SPTAN1: variants seen among roughly 807,000 people sequenced by gnomAD.
SPTAN1 encodes the protein spectrin alpha, non-erythrocytic 1.
A neutral mutation model predicts 331.3 loss-of-function variants in SPTAN1; 61 were observed. The observed-to-expected ratio is 0.18, with a 90% CI of 0.15 to 0.23. The LOEUF (loss-of-function observed/expected upper bound fraction) is 0.23, where lower values mean the gene tolerates loss of function less well. SPTAN1 is among the 10% of genes least tolerant of loss of function. The pLI, the probability that SPTAN1 is intolerant of heterozygous loss-of-function variation, is 1.00. For synonymous variants in SPTAN1, 1,153 were observed against 1,173.9 expected, an observed-to-expected ratio of 0.98 and a Z score of 0.36; for missense variants, 2,043 against 3,147.9, an observed-to-expected ratio of 0.65 and a Z score of 8.40.
chr9:128,568,963 C>T, intron 3 of SPTAN1, 66 bp downstream of exon 3: 2 of 1,606,240 alleles, frequency 1.2e-6, no homozygotes, highest in Non-Finnish European at 1.7e-6. Context: ...TTCATGCATA[C>T]ATGTCAGTTT....
intron 16 of SPTAN1, 39 bp downstream of exon 16, chr9:128,584,008 C>G: frequency 6.2e-7 from 1 of 1,612,416 alleles, no homozygotes; most frequent in Non-Finnish European, 8.5e-7. Flanking sequence ...CAAGTGAATG[C>G]AGAAACTATA....
Position 128,627,946 on chromosome 9 carries a change from A to C in SPTAN1, c.6707+4A>C. 1 of 1,613,960 alleles carries C rather than the reference A, an allele frequency of 6.2e-7. No individual in the cohort carries two copies. The highest frequency in any genetic ancestry group is 8.5e-7 in the Non-Finnish European group (1 of 1,179,972). ...ACAGGACATACCTCCTCGATGGGTT[A>C]ATATTGTTTTCTTCCTTCTCTGGGC... On this transcript the variant is annotated splice_donor_region_variant and intron_variant, in intron 51 of 56. Coordinates refer to ENST00000372739, the MANE Select transcript of SPTAN1 (RefSeq NM_001130438.3). The surrounding 1 kb of genome is among the most constrained non-coding windows in gnomAD (Gnocchi z 4.9).
chr9:128,624,755 G>A (rs1051250065), intron 46 of SPTAN1: 2 of 568,010 alleles, frequency 3.5e-6, no homozygotes, highest in Non-Finnish European at 6.3e-6. Flanking sequence ...GTGACGTCAT[G>A]GCATGAACAA....
At position 128,613,246 on chromosome 9, in the gene SPTAN1, C is replaced by T. The variant is rs1856768723; in HGVS notation, c.5044-135C>T. ...GGCTGATTGGGGTGGCTAGGAATCA[C>T]AGTAACACATTGTGATGGAGAAGTA... is the stretch of plus-strand genomic sequence containing the variant. On this transcript the variant is annotated intron_variant, in intron 39 of 56. Transcript: ENST00000372739. 9.3e-6 allele frequency: 7 copies of T among 753,054 alleles called. No homozygotes were observed. In the South Asian group the frequency reaches 1.0e-4, roughly 11 times the overall value. The allele number at this position is 753,054 out of a possible 1,614,324, so 46.6% of individuals were successfully genotyped here.
In SPTAN1 at chr9:128,581,755, T is replaced by A. The variant is rs7040737; in HGVS notation, c.1462-27T>A. 6,306 of 1,561,220 alleles carry A rather than the reference T, an allele frequency of 4.0e-3. 215 individuals are homozygous for A. In the African/African-American group the frequency reaches 0.075, roughly 19 times the overall value. ...GAAGATCAAAGGAATAGGACATTAT[T>A]CTGAACACTTTGTTTCCTTTGGCAA... On this transcript the variant is annotated intron_variant, in intron 11 of 56. Coordinates refer to ENST00000372739, the MANE Select transcript of SPTAN1 (RefSeq NM_001130438.3).
Position 128,586,050 on chromosome 9 carries a change from C to T in SPTAN1, c.2778+85C>T, listed in dbSNP as rs144062523. 8.7e-5 allele frequency: 97 copies of T among 1,115,916 alleles called. No individual in the cohort carries two copies. In the East Asian group the frequency reaches 2.3e-3, roughly 26 times the overall value. The allele number at this position is 1,115,916 out of a possible 1,614,324, so 69.1% of individuals were successfully genotyped here. A position where few individuals can be genotyped will look rare whatever the true frequency, so the allele number is the denominator to read the frequency against. The stretch of plus-strand genomic sequence containing the variant: ...AAGGAAGTTAGGAGAAGTAGTGATG[C>T]GCGGGAGGTGTGCATTACAGTGATT... On this transcript the variant is annotated intron_variant, in intron 19 of 56. Transcript: ENST00000372739.
chr9:128,577,652 C>CTATCA lies in SPTAN1; in HGVS notation c.1085+147_1085+148insATCAT. The CTATCA allele has an allele frequency of 5.4e-6, 6 of 1,114,696 alleles. No individual in the cohort carries two copies. Among genetic ancestry groups the CTATCA allele is most frequent in the Non-Finnish European group, 6.7e-6 (5 of 751,300 alleles). The allele number at this position is 1,114,696 out of a possible 1,614,324, so 69.1% of individuals were successfully genotyped here. ...AAATCACTTCTTACCTATGTTCTCT[C>CTATCA]TGTTTGGAGACTGGCAACTGTATCA... is the stretch of plus-strand genomic sequence containing the variant. On this transcript the variant is annotated intron_variant, in intron 8 of 56. Coordinates refer to ENST00000372739, the MANE Select transcript of SPTAN1 (RefSeq NM_001130438.3). This position sits in a 1 kb window ranked among gnomAD's most constrained non-coding sequence, Gnocchi z 4.2.
rs1178460474 is a variant in SPTAN1, at chr9:128,632,961, G to A, written c.7308+6G>A. 4 of 1,611,110 alleles carry A rather than the reference G, an allele frequency of 2.5e-6. No homozygotes were observed. The highest frequency in any genetic ancestry group is 4.5e-5 in the East Asian group (2 of 44,878). ...CCAAGGAGGAGCTCTACCAGGTATG[G>A]GCCTCAGGAGGTGGGTGAAGAGGTG... On this transcript the variant is annotated splice_donor_region_variant and intron_variant, in intron 56 of 56. Coordinates refer to ENST00000372739, the MANE Select transcript of SPTAN1 (RefSeq NM_001130438.3).
chr9:128,621,073 C>A, intron 44 of SPTAN1, 85 bp from the exon 45 acceptor site: 1 of 1,063,434 alleles, frequency 9.4e-7, no homozygotes, highest in Non-Finnish European at 1.5e-6. Context: ...GGGACCATAG[C>A]AGTTTTGTCA....
rs1479544490 is a variant in SPTAN1 at position 128,625,461 on chromosome 9, G to A, written c.6069+282G>A. On this transcript the variant is annotated intron_variant, in intron 47 of 56. Transcript: ENST00000372739. The surrounding 1 kb of genome is among the most constrained non-coding windows in gnomAD (Gnocchi z 4.1). Reference sequence around the variant, plus strand: ...GTTGAAGGGGCAAGTTCTCCTAAGCGAAATCATGAGGGGTGAATGAAAACG... The same window carrying A: ...GTTGAAGGGGCAAGTTCTCCTAAGCAAAATCATGAGGGGTGAATGAAAACG... 3.3e-5 allele frequency among the ~76,000 whole-genome samples: 5 copies of A among 152,148 alleles called. No individual in the cohort carries two copies. Among genetic ancestry groups the A allele is most frequent in the Non-Finnish European group, 2.9e-5 (2 of 68,012 alleles).
chr9:128,618,137 G>A, intron 43 of SPTAN1, 29 bp downstream of exon 43: 3 of 1,611,868 alleles, frequency 1.9e-6, no homozygotes, highest in Non-Finnish European at 2.5e-6. Flanking sequence ...GAGCTCCCGG[G>A]AACAAGTGGA....
chr9:128,616,909 G>A (rs1157625894), intron 41 of SPTAN1, among the ~76,000 whole-genome samples: 1 of 152,128 alleles, frequency 6.6e-6, no homozygotes, highest in East Asian at 1.9e-4. Context: ...TCCATCCTAG[G>A]CGACAGAGCA....
intron 32 of SPTAN1, 45 bp from the exon 33 acceptor site, chr9:128,607,807 G>A: frequency 6.2e-7 from 1 of 1,611,870 alleles, no homozygotes; most frequent in Non-Finnish European, 8.5e-7. Flanking sequence ...ACGTCAGAGT[G>A]GGCATCTGCT....
In SPTAN1 at chr9:128,583,964, C is replaced by T. The variant is rs1852255478; in HGVS notation, c.2188C>T (p.His730Tyr). 1 of 1,614,022 alleles carries T rather than the reference C, an allele frequency of 6.2e-7. No individual in the cohort carries two copies. The highest frequency in any genetic ancestry group is 1.3e-5 in the African/African-American group (1 of 74,922). The change falls in exon 16 of 57, where the codon CAC (histidine) becomes TAC (tyrosine). Residue 730 changes from histidine (H) to tyrosine (Y), a missense_variant. Around this residue, in one of 12 missense-constraint regions of SPTAN1, gnomAD observed 1,038 missense variants for 1,531.5 expected, o/e 0.68. Coordinates refer to ENST00000372739, the MANE Select transcript of SPTAN1 (RefSeq NM_001130438.3). ...HALLEADVAA[H>Y]QDRIDGITIQ... ...ACTGCTAGAGGCAGATGTGGCTGCT[C>T]ACCAGGTAGTGTGAACTGGGGGCTG... is the stretch of plus-strand genomic sequence containing the variant.
At chr9:128,633,166 G>A in intron 56 of SPTAN1, 43 bp from the exon 57 acceptor site, 2 of 1,613,356 alleles carry the variant, frequency 1.2e-6, no homozygotes, top group Non-Finnish European at 1.7e-6. Context: ...TTTGAAGTGG[G>A]TGCAGCTGGC....
rs554916533 is a variant in SPTAN1, at chr9:128,556,874, A to G, written c.-4+4178A>G. ...GCTGGTTTTGAGTTAATTTTGTTTG[A>G]TCTGAGAATCAACTGGTATACAATT... is the stretch of plus-strand genomic sequence containing the variant. On this transcript the variant is annotated intron_variant, in intron 1 of 56. Coordinates refer to ENST00000372739, the MANE Select transcript of SPTAN1 (RefSeq NM_001130438.3). Among the ~76,000 whole-genome samples the G allele has an allele frequency of 1.1e-3, 166 of 152,320 alleles. 1 individual carries two copies. Among genetic ancestry groups the G allele is most frequent in the African/African-American group, 3.8e-3 (160 of 41,560 alleles).
chr9:128,579,753 A>C lies in SPTAN1; in HGVS notation c.1323+15A>C, dbSNP rs756784077. On this transcript the variant is annotated intron_variant, in intron 10 of 56. Transcript: ENST00000372739. Reference sequence around the variant, plus strand: ...TGAGGGAGAAGGTAAGAGAAGAGAAATGGAGCTTTTGAGGAGCAAATTACA... The same window carrying C: ...TGAGGGAGAAGGTAAGAGAAGAGAACTGGAGCTTTTGAGGAGCAAATTACA... 1.2e-6 allele frequency: 2 copies of C among 1,609,090 alleles called. No homozygotes were observed. The highest frequency in any genetic ancestry group is 2.7e-5 in the African/African-American group (2 of 74,850).
chr9:128,621,412 T>C (rs1448253490), intron 45 of SPTAN1, among the ~76,000 whole-genome samples, 156 bp downstream of exon 45: 1 of 152,200 alleles, frequency 6.6e-6, no homozygotes, highest in African/African-American at 2.4e-5. Context: ...TCGTGACAAG[T>C]TGGATATTTC....
At chr9:128,576,229 G>A (rs967497665) in intron 5 of SPTAN1, among the ~76,000 whole-genome samples, 2 of 152,124 alleles carry the variant, frequency 1.3e-5, no homozygotes, top group Admixed American at 1.3e-4. Context: ...GTGGTTGGTA[G>A]GGAAGGATAC....
Sources: gnomAD v4.1 joint callset for allele counts (sites outside exome capture counted in the v4.1 genomes callset) on GRCh38, gnomAD v4.1.1 for gene constraint, gnomAD v4.1.1 regional missense constraint, Gnocchi (gnomAD v3.1) non-coding constraint, MANE v1.5 for transcripts, NCBI Gene and HGNC (gene_info 2026-07-23, HGNC 2026-07-21) for gene names.